The following NHSL2 variants were observed in gnomAD, a reference collection of about 807,000 sequenced individuals.
NHSL2 encodes the protein NHS like 2.
Under a neutral mutation model 53.4 loss-of-function variants are expected in NHSL2, and 27 were observed. The ratio of observed to expected loss-of-function variants is 0.51; its 90% CI spans 0.37 to 0.70. The LOEUF is 0.70. Ranked by LOEUF, NHSL2 falls within the 30% of genes least tolerant of loss-of-function variation. The probability of loss-of-function intolerance (pLI) is 0.00; values close to 1 mark genes in which losing one functional copy is unlikely to be tolerated. For missense variants in NHSL2, 892 were observed against 980.1 expected, an observed-to-expected ratio of 0.91 and a Z score of 1.20; for synonymous variants, 408 against 404.1, an observed-to-expected ratio of 1.01 and a Z score of -0.12.
chrX:72,129,709 G>A, intron 1 of NHSL2: 1 of 693,222 alleles, frequency 1.4e-6, no homozygotes, highest in Non-Finnish European at 2.1e-6. Flanking sequence ...GTCTTCTTCA[G>A]GTTCTGCAGG....
intron 1 of NHSL2, 23 bp from the exon 2 acceptor site, chrX:72,132,056 T>C: frequency 2.6e-6 from 3 of 1,163,317 alleles, no homozygotes; most frequent in Admixed American, 2.6e-5. Flanking sequence ...CCTGCGCCTC[T>C]CACTGACTCT....
chrX:72,051,912 C>T (rs1463096760), intron 1 of NHSL2, among the ~76,000 whole-genome samples: 1 of 112,102 alleles, frequency 8.9e-6, no homozygotes, highest in Non-Finnish European at 1.9e-5. Flanking sequence ...TCAATGACAG[C>T]TTTCTTGGAA....
chrX:72,040,310 C>A lies in NHSL2; in HGVS notation c.281-91769C>A, dbSNP rs762913757. ...CATTTACCATACCCTCCCACTCTCT[C>A]ACACACACATACTCTCTTACTAACT... On this transcript the variant is annotated intron_variant, in intron 1 of 7. Coordinates refer to ENST00000633930, the MANE Select transcript of NHSL2 (RefSeq NM_001013627.3). Among the ~76,000 whole-genome samples the A allele has an allele frequency of 2.7e-5, 3 of 112,301 alleles. No homozygotes were observed. The East Asian group carries it at 8.4e-4, about 31-fold the overall frequency.
intron 1 of NHSL2, chrX:72,131,635 C>T (rs754424280): frequency 7.8e-6 from 7 of 895,192 alleles, no homozygotes; most frequent in Non-Finnish European, 1.5e-6. Flanking sequence ...CGGCGGGGCT[C>T]GGGAGGGACC....
At chrX:72,050,814 G>A (rs1475980403) in intron 1 of NHSL2, among the ~76,000 whole-genome samples, 3 of 109,909 alleles carry the variant, frequency 2.7e-5, no homozygotes, top group Non-Finnish European at 5.7e-5. Flanking sequence ...GCTTGAACCC[G>A]GGAGGCAGAG....
chrX:71,931,877 T>C (rs1247907455), intron 1 of NHSL2, among the ~76,000 whole-genome samples: 1 of 112,908 alleles, frequency 8.9e-6, no homozygotes, highest in Non-Finnish European at 1.9e-5. Flanking sequence ...TCTGGGACCT[T>C]TGAATTTCCA....
chrX:72,123,948 A>G (rs756115946), intron 1 of NHSL2, among the ~76,000 whole-genome samples: 1 of 111,236 alleles, frequency 9.0e-6, no homozygotes, highest in East Asian at 2.9e-4. Context: ...GTCAAAGGAA[A>G]TATCCACCCT....
At chrX:72,111,907 T>G (rs956154601) in intron 1 of NHSL2, among the ~76,000 whole-genome samples, 3 of 111,070 alleles carry the variant, frequency 2.7e-5, no homozygotes, top group Non-Finnish European at 5.7e-5. Flanking sequence ...ATGAAACCAC[T>G]TACCAAGAAA....
At chrX:71,991,427 A>G (rs750936498) in intron 1 of NHSL2, among the ~76,000 whole-genome samples, 1 of 112,921 alleles carries the variant, frequency 8.9e-6, no homozygotes, top group African/African-American at 3.2e-5. Flanking sequence ...GCTTTGCTTA[A>G]GTGATTCCCA....
intron 1 of NHSL2, among the ~76,000 whole-genome samples, chrX:71,918,085 C>T (rs897759019): frequency 4.5e-5 from 5 of 111,798 alleles, no homozygotes; most frequent in African/African-American, 1.6e-4. Flanking sequence ...TCATGCTTTG[C>T]AGGGCCAGGC....
rs2042440865 is a variant in NHSL2 at position 72,144,008 on chromosome X, T to C, written c.*434T>C. The C allele has an allele frequency of 8.0e-6, 1 of 125,404 alleles. No homozygotes were observed. The highest frequency in any genetic ancestry group is 1.6e-5 in the Non-Finnish European group (1 of 61,301). 10.3% of individuals were successfully genotyped at this position (125,404 alleles called of 1,213,427 possible). ...GGGTGCCATTGCTTATTATTCACTT[T>C]CCTAGGGAGGCTCTGATGGCCCTGT... On this transcript the variant is annotated 3_prime_UTR_variant, in exon 8 of 8. Transcript: ENST00000633930.
chrX:72,097,370 C>G (rs777824361), intron 1 of NHSL2, among the ~76,000 whole-genome samples: 2 of 112,043 alleles, frequency 1.8e-5, no homozygotes, highest in Non-Finnish European at 1.9e-5. Context: ...TGGCTGTCTC[C>G]TGACTCCCCG....
intron 1 of NHSL2, among the ~76,000 whole-genome samples, chrX:72,035,686 C>A (rs1186697599): frequency 8.9e-6 from 1 of 111,785 alleles, no homozygotes; most frequent in Non-Finnish European, 1.9e-5. Context: ...TTTGCTTCAA[C>A]CATCAAATAT....
At chrX:72,114,136 C>T (rs1043551779) in intron 1 of NHSL2, among the ~76,000 whole-genome samples, 13 of 112,308 alleles carry the variant, frequency 1.2e-4, no homozygotes, top group East Asian at 8.3e-4. Flanking sequence ...AGGTATCAGC[C>T]GTGGTTGCCT....
Position 71,998,087 on chromosome X carries a change from C to T in NHSL2, c.280+86720C>T, listed in dbSNP as rs1333923218. 2.7e-5 allele frequency among the ~76,000 whole-genome samples: 3 copies of T among 111,875 alleles called. No individual in the cohort carries two copies. The Admixed American group carries it at 2.8e-4, about 11-fold the overall frequency. ...TTTGGGCCACAGAGGATTAGGAGTA[C>T]AGCTGTCAAATATTAGTAAAAGCAT... On this transcript the variant is annotated intron_variant, in intron 1 of 7. Transcript: ENST00000633930.
intron 1 of NHSL2, 156 bp from the exon 2 acceptor site, chrX:72,131,923 C>T: frequency 2.0e-6 from 1 of 508,375 alleles, no homozygotes; most frequent in South Asian, 3.1e-5. Flanking sequence ...GAGGAAAAAT[C>T]TTGCGGCCGG....
At chrX:72,113,620 A>G (rs892422853) in intron 1 of NHSL2, among the ~76,000 whole-genome samples, 1 of 112,104 alleles carries the variant, frequency 8.9e-6, no homozygotes, top group African/African-American at 3.2e-5. Context: ...GACAAACCTC[A>G]TTTCTTAAGT....
intron 1 of NHSL2, among the ~76,000 whole-genome samples, chrX:72,052,311 T>C (rs753554761): frequency 8.9e-6 from 1 of 112,410 alleles, no homozygotes; most frequent in Non-Finnish European, 1.9e-5. Flanking sequence ...GCTCAATTCC[T>C]AGTTTCTGTC....
intron 1 of NHSL2, among the ~76,000 whole-genome samples, chrX:72,019,895 A>G (rs1396661118): frequency 8.9e-6 from 1 of 111,956 alleles, no homozygotes; most frequent in Non-Finnish European, 1.9e-5. Flanking sequence ...GGGCAGTCCA[A>G]GAGACTCAGG....
Sources: allele counts gnomAD v4.1 joint callset (sites outside exome capture counted in the v4.1 genomes callset), GRCh38; gene constraint gnomAD v4.1.1; transcripts MANE v1.5; gene names NCBI Gene and HGNC (gene_info 2026-07-23, HGNC 2026-07-21).